Variants in PCNX4 observed in about 807,000 individuals in gnomAD.
PCNX4 encodes pecanex 4.
In PCNX4, 103 loss-of-function variants were observed where a neutral mutation model predicts 107.2. The observed-to-expected ratio is 0.96, with a 90% CI of 0.82 to 1.13. PCNX4 has a LOEUF of 1.13. Ranked by LOEUF, PCNX4 falls within the 50% of genes most tolerant of loss-of-function variation. The pLI is 0.00. For synonymous variants in PCNX4, 541 were observed against 481.7 expected, an observed-to-expected ratio of 1.12 and a Z score of -1.61; for missense variants, 1,528 against 1,379.4, an observed-to-expected ratio of 1.11 and a Z score of -1.71.
Position 60,134,211 on chromosome 14 carries a change from A to C in PCNX4, c.3509A>C (p.His1170Pro). Residue 1170 changes from histidine (H) to proline (P), a missense_variant, in exon 11 of 11, where the codon CAT becomes CCT. Coordinates refer to ENST00000406854, the MANE Select transcript of PCNX4 (RefSeq NM_001330177.2). ...TATTCTTCAAAACCTCTCCACATAC[A>C]TTTGTATTAGAGCTCATTTTGACTG... ...PIYSSKPLHIHLY is the reference protein window; with the variant it reads ...PIYSSKPLHIPLY 6.2e-7 allele frequency: 1 copy of C among 1,613,450 alleles called. No homozygotes were observed. The highest frequency in any genetic ancestry group is 8.5e-7 in the Non-Finnish European group (1 of 1,179,534).
intron 7 of PCNX4, 143 bp from the exon 8 acceptor site, chr14:60,121,053 T>G (rs1895943193): frequency 9.7e-7 from 1 of 1,032,368 alleles, no homozygotes; most frequent in Admixed American, 3.3e-5. Flanking sequence ...TGAATAGTTA[T>G]TTCTGTTCTT....
At chr14:60,121,156 ATTTTCTTTTTTT>A (rs1463004113) in intron 7 of PCNX4, 28 bp from the exon 8 acceptor site, 3 of 1,351,046 alleles carry the variant, frequency 2.2e-6, no homozygotes, top group African/African-American at 3.7e-5. Flanking sequence ...TTTGAAAATG[ATTTTCTTTTTTT>A]TTTTTTTTTT....
At position 60,138,200 on chromosome 14, in the gene PCNX4, T is replaced by TG. The variant is rs1387353781; in HGVS notation, c.*3980dup. 1 of 151,478 alleles carries TG rather than the reference T, an allele frequency of 6.6e-6. No individual in the cohort carries two copies. The highest frequency in any genetic ancestry group is 2.4e-5 in the African/African-American group (1 of 41,204). The allele number at this position is 151,478 out of a possible 1,614,324, so 9.4% of individuals were successfully genotyped here. On this transcript the variant is annotated 3_prime_UTR_variant, in exon 11 of 11. Coordinates refer to ENST00000406854, the MANE Select transcript of PCNX4 (RefSeq NM_001330177.2). Reference sequence around the variant, plus strand: ...TTATGTCAGAAGTAAATACCAGATGTGAAAAACTAAGAGACAAAAGAATAG... The same window carrying TG: ...TTATGTCAGAAGTAAATACCAGATGTGGAAAAACTAAGAGACAAAAGAATAG...
At chr14:60,115,874 T>A in intron 5 of PCNX4, 55 bp downstream of exon 5, 1 of 1,589,592 alleles carries the variant, frequency 6.3e-7, no homozygotes, top group Non-Finnish European at 8.6e-7. Context: ...TTATTGTAAT[T>A]TTGTTTAATA....
At chr14:60,128,591 A>G (rs936828222) in intron 10 of PCNX4, among the ~76,000 whole-genome samples, 4 of 152,204 alleles carry the variant, frequency 2.6e-5, no homozygotes, top group Non-Finnish European at 4.4e-5. Flanking sequence ...AAGAAATACT[A>G]GAGTTCTTCA....
At chr14:60,104,391 A>G (rs1442463496) in intron 1 of PCNX4, among the ~76,000 whole-genome samples, 3 of 152,070 alleles carry the variant, frequency 2.0e-5, no homozygotes, top group Non-Finnish European at 4.4e-5. Flanking sequence ...TAAGACAGCA[A>G]TATGTCATAT....
In PCNX4 at chr14:60,124,310, AG is replaced by A; in HGVS notation, c.2140del (p.Val714TyrfsTer12). ...ATGCTTTTGAGCAAGAATACACAAG[AG>A]TATGTTCCCTTAATGAACACTTTGG... ...EDAFEQEYTR[V>X]CSLNEHFGNV... On this transcript the variant is annotated frameshift_variant, in exon 9 of 11. Coordinates refer to ENST00000406854, the MANE Select transcript of PCNX4 (RefSeq NM_001330177.2). LOFTEE classifies it high-confidence loss of function. 6.2e-7 allele frequency: 1 copy of A among 1,611,086 alleles called. No homozygotes were observed. The highest frequency in any genetic ancestry group is 8.5e-7 in the Non-Finnish European group (1 of 1,178,308).
chr14:60,100,623 C>T (rs945246629), intron 1 of PCNX4, among the ~76,000 whole-genome samples: 4 of 152,150 alleles, frequency 2.6e-5, no homozygotes, highest in African/African-American at 9.7e-5. Context: ...AAACCATATT[C>T]ATGAAACAAT....
At position 60,115,106 on chromosome 14, in the gene PCNX4, C is replaced by G. The variant is rs1173341384; in HGVS notation, c.1002C>G (p.His334Gln). ...LLSLNLSDMGHKIGTKSKDLP... is the reference protein window; with the variant it reads ...LLSLNLSDMGQKIGTKSKDLP... ...GTCTGAACTTAAGTGATATGGGTCA[C>G]AAAATTGGAACCAAATCTAAGGATT... The change falls in exon 4 of 11, where the codon CAC becomes CAG. Residue 334 changes from histidine to glutamine, a missense_variant. His to Gln is a conservative substitution (Grantham distance 24, BLOSUM62 0). Coordinates refer to ENST00000406854, the MANE Select transcript of PCNX4 (RefSeq NM_001330177.2). 6.2e-7 allele frequency: 1 copy of G among 1,613,802 alleles called. No homozygotes were observed. The highest frequency in any genetic ancestry group is 2.2e-5 in the East Asian group (1 of 44,858).
intron 1 of PCNX4, among the ~76,000 whole-genome samples, chr14:60,095,213 ATAGT>A (rs1895400860): frequency 6.6e-6 from 1 of 152,344 alleles, no homozygotes; most frequent in African/African-American, 2.4e-5. Context: ...GTAGGGGCAA[ATAGT>A]TATTTATGCC....
intron 2 of PCNX4, 60 bp downstream of exon 2, chr14:60,108,387 GCTTTC>G: frequency 1.6e-6 from 2 of 1,285,188 alleles, no homozygotes; most frequent in Non-Finnish European, 2.1e-6. Flanking sequence ...GAGTAAGAGA[GCTTTC>G]CTTTTAGTGT....
rs1443814614 is a variant in PCNX4 at position 60,102,228 on chromosome 14, C to A, written c.-53-5358C>A. 2.6e-5 allele frequency among the ~76,000 whole-genome samples: 4 copies of A among 151,756 alleles called. No individual in the cohort carries two copies. In the East Asian group the frequency reaches 7.7e-4, roughly 29 times the overall value. On this transcript the variant is annotated intron_variant, in intron 1 of 10. Coordinates refer to ENST00000406854, the MANE Select transcript of PCNX4 (RefSeq NM_001330177.2). Reference sequence around the variant, plus strand: ...AGTAGATCTCATGTTAGTGTTCCTACCACAATGAAAAATCAAAATCCTAAC... The same window carrying A: ...AGTAGATCTCATGTTAGTGTTCCTAACACAATGAAAAATCAAAATCCTAAC...
In PCNX4 at chr14:60,108,154, C is replaced by T. The variant is rs1322443151; in HGVS notation, c.516C>T (p.Gly172=). 1.6e-5 allele frequency: 25 copies of T among 1,612,716 alleles called. No individual in the cohort carries two copies. The highest frequency in any genetic ancestry group is 1.8e-5 in the Non-Finnish European group (21 of 1,179,854). ...CCTTGCTGTATGGCAGTACAGGAGG[C>T]ACTGCTCTACTATTCTTCTTTGGAT... is the stretch of plus-strand genomic sequence containing the variant. ...RITLLYGSTG[G]TALLFFFGWM... Residue 172 remains glycine, a synonymous_variant, in exon 2 of 11, where the codon GGC becomes GGT. Transcript: ENST00000406854.
rs1896224246 is a variant in PCNX4 at position 60,135,235 on chromosome 14, C to T, written c.*1014C>T. On this transcript the variant is annotated 3_prime_UTR_variant, in exon 11 of 11. Transcript: ENST00000406854. Reference sequence around the variant, plus strand: ...ATAATAATGTATTCTCCTTAGAAATCATTCAAATTATATGAAATGTACCAG... The same window carrying T: ...ATAATAATGTATTCTCCTTAGAAATTATTCAAATTATATGAAATGTACCAG... The T allele has an allele frequency of 6.6e-6, 1 of 152,162 alleles. No homozygotes were observed. Among genetic ancestry groups the T allele is most frequent in the Non-Finnish European group, 1.5e-5 (1 of 68,034 alleles). The allele number at this position is 152,162 out of a possible 1,614,324, so 9.4% of individuals were successfully genotyped here. A position where few individuals can be genotyped will look rare whatever the true frequency, so the allele number is the denominator to read the frequency against.
intron 1 of PCNX4, among the ~76,000 whole-genome samples, chr14:60,101,547 A>G (rs1462149326): frequency 3.3e-5 from 5 of 152,196 alleles, no homozygotes; most frequent in Non-Finnish European, 7.3e-5. Context: ...ACTCCTTAAT[A>G]TCACCTCACC....
At chr14:60,103,947 T>G (rs1259290586) in intron 1 of PCNX4, among the ~76,000 whole-genome samples, 1 of 152,208 alleles carries the variant, frequency 6.6e-6, no homozygotes, top group Non-Finnish European at 1.5e-5. Flanking sequence ...TATAGATACT[T>G]TCCAAACATT....
intron 1 of PCNX4, among the ~76,000 whole-genome samples, chr14:60,100,690 A>G (rs980763752): frequency 6.6e-6 from 1 of 152,240 alleles, no homozygotes; most frequent in Non-Finnish European, 1.5e-5. Flanking sequence ...ATTCCTGTCT[A>G]AGGGGCCTAG....
chr14:60,132,486 C>T (rs201732920), intron 10 of PCNX4, among the ~76,000 whole-genome samples: 5 of 151,980 alleles, frequency 3.3e-5, no homozygotes, highest in Non-Finnish European at 7.4e-5. Context: ...AAGACCTAAA[C>T]ATAAGAGCCA....
intron 2 of PCNX4, among the ~76,000 whole-genome samples, chr14:60,112,912 G>A (rs531823589): frequency 2.0e-5 from 3 of 152,290 alleles, no homozygotes; most frequent in South Asian, 4.1e-4. Context: ...GTCCAGGCGC[G>A]GTGGCTCACG....
Sources: gnomAD v4.1 joint callset for allele counts (sites outside exome capture counted in the v4.1 genomes callset) on GRCh38, gnomAD v4.1.1 for gene constraint, MANE v1.5 for transcripts, NCBI Gene and HGNC (gene_info 2026-07-23, HGNC 2026-07-21) for gene names.